Variants in SLC75A1 observed in about 807,000 individuals in gnomAD.
SLC75A1 encodes major facilitator superfamily domain containing 10.
chr4:2,933,144 CAG>C, the SLC75A1 span: 2 of 1,613,640 alleles, frequency 1.2e-6, no homozygotes, highest in Middle Eastern at 1.7e-4. Context: ...CCCAAGCAGT[CAG>C]AGGTGGCCCC....
chr4:2,931,184 C>A, the SLC75A1 span: 1 of 1,556,818 alleles, frequency 6.4e-7, no homozygotes, highest in Non-Finnish European at 8.7e-7. Context: ...CACCACTGCC[C>A]TTCTCCCGCT....
At chr4:2,931,416 GA>G in the SLC75A1 span, 4 of 1,553,400 alleles carry the variant, frequency 2.6e-6, no homozygotes, top group South Asian at 4.7e-5. Flanking sequence ...CACGGGCAGA[GA>G]ACGTCCCCAG....
At chr4:2,932,205 C>T in the SLC75A1 span, 1 of 1,562,266 alleles carries the variant, frequency 6.4e-7, no homozygotes, top group South Asian at 1.2e-5. Context: ...GCCTGGCAAC[C>T]CACGGACTGT....
At chr4:2,934,152 A>C in the SLC75A1 span, 29 of 595,048 alleles carry the variant, frequency 4.9e-5, no homozygotes, top group Non-Finnish European at 7.7e-5. Context: ...TGCACAAAAA[A>C]TAGCCGCAAA....
chr4:2,933,123 C>T, the SLC75A1 span: 11 of 1,613,574 alleles, frequency 6.8e-6, no homozygotes, highest in South Asian at 1.2e-4. Context: ...AGCAGCATCA[C>T]CGGGCGCCTC....
At chr4:2,931,694 C>A in the SLC75A1 span, 1 of 1,594,332 alleles carries the variant, frequency 6.3e-7, no homozygotes, top group East Asian at 2.3e-5. Context: ...GCAGGGCACC[C>A]GGGGCAGGGC....
the SLC75A1 span, chr4:2,934,284 TC>T: frequency 6.5e-6 from 1 of 154,984 alleles, no homozygotes; most frequent in South Asian, 6.1e-5. Flanking sequence ...GGAACCCGGA[TC>T]CCGATCCCGA....
chr4:2,931,746 C>T, the SLC75A1 span: 64 of 1,548,560 alleles, frequency 4.1e-5, no homozygotes, highest in Non-Finnish European at 5.4e-5. Flanking sequence ...GCCAAGGCTT[C>T]CTGGGGATGG....
At chr4:2,931,535 C>G in the SLC75A1 span, 1 of 1,607,036 alleles carries the variant, frequency 6.2e-7, no homozygotes, top group Non-Finnish European at 8.5e-7. Flanking sequence ...CTGCCACCCG[C>G]TTTGGAGGGA....
the SLC75A1 span, chr4:2,930,916 C>T: frequency 4.3e-6 from 7 of 1,612,962 alleles, no homozygotes; most frequent in Admixed American, 1.7e-5. Context: ...GCCCGGACCA[C>T]GTGGTGAAGC....
At chr4:2,931,160 G>A in the SLC75A1 span, 1 of 1,559,844 alleles carries the variant, frequency 6.4e-7, no homozygotes, top group Non-Finnish European at 8.7e-7. Flanking sequence ...CCTGTGGGAA[G>A]AGGCACAGTC....
the SLC75A1 span, chr4:2,930,696 T>G: frequency 1.2e-6 from 1 of 844,378 alleles, no homozygotes; most frequent in African/African-American, 1.7e-5. Context: ...CTGGAGGAGC[T>G]GCCTGAGCTT....
the SLC75A1 span, chr4:2,931,893 G>A: frequency 1.9e-6 from 3 of 1,611,352 alleles, no homozygotes; most frequent in African/African-American, 1.3e-5. Context: ...ACAGGAAGAG[G>A]TAGAGGAAGT....
At chr4:2,931,759 GT>G in the SLC75A1 span, 1 of 1,540,424 alleles carries the variant, frequency 6.5e-7, no homozygotes, top group Non-Finnish European at 8.8e-7. Context: ...GGGGATGGGG[GT>G]TGCTTCCCTG....
chr4:2,931,714 C>T, the SLC75A1 span: 1 of 1,570,166 alleles, frequency 6.4e-7, no homozygotes, highest in South Asian at 1.1e-5. Context: ...CCACCCAGGG[C>T]AGGGCCAGGG....
chr4:2,932,710 C>T, the SLC75A1 span: 4 of 1,602,464 alleles, frequency 2.5e-6, no homozygotes, highest in Admixed American at 6.8e-5. Context: ...AGGAAGGCCG[C>T]AAAGCTCCGA....
At chr4:2,934,200 GACCT>G in the SLC75A1 span, 1 of 479,418 alleles carries the variant, frequency 2.1e-6, no homozygotes, top group Non-Finnish European at 3.8e-6. Flanking sequence ...GCACATCGCG[GACCT>G]GGCCCCACCC....
the SLC75A1 span, chr4:2,934,256 G>C: frequency 3.1e-6 from 1 of 324,280 alleles, no homozygotes; most frequent in African/African-American, 2.2e-5. Context: ...AACAGCGAGA[G>C]AAAACTTGAA....
At chr4:2,933,083 G>A in the SLC75A1 span, 4 of 1,610,290 alleles carry the variant, frequency 2.5e-6, no homozygotes, top group Non-Finnish European at 3.4e-6. Flanking sequence ...CTTCCCCATG[G>A]GCACCCAGGC....
Sources: allele counts gnomAD v4.1 joint callset, GRCh38; gene constraint gnomAD v4.1.1; transcripts MANE v1.5; gene names NCBI Gene and HGNC (gene_info 2026-07-23, HGNC 2026-07-21).